FSD1L: variants seen among roughly 807,000 people sequenced by gnomAD.
The protein encoded by FSD1L is FSD1-like protein.
FSD1L carries 45 observed loss-of-function variants against 71.6 expected under a neutral mutation model. The ratio of observed to expected loss-of-function variants is 0.63; its 90% CI spans 0.49 to 0.81. The LOEUF (loss-of-function observed/expected upper bound fraction) is 0.81, where lower values mean the gene tolerates loss of function less well. Among genes scored for constraint, FSD1L ranks in the 30% least tolerant of loss-of-function variants. The pLI is 0.00. For synonymous variants in FSD1L, 197 were observed against 207.2 expected (o/e 0.95, Z 0.42); for missense variants, 561 against 618.1 (o/e 0.91, Z 0.98).
intron 8 of FSD1L, among the ~76,000 whole-genome samples, 191 bp from the exon 9 acceptor site, chr9:105,508,426 C>G (rs975036530): frequency 6.7e-6 from 1 of 149,478 alleles, no homozygotes; most frequent in Non-Finnish European, 1.5e-5. Context: ...ATCCGCCCAC[C>G]TGGGCCTTCC....
At chr9:105,520,740 T>C in intron 10 of FSD1L, 2 of 1,613,282 alleles carry the variant, frequency 1.2e-6, no homozygotes, top group Non-Finnish European at 1.7e-6. Context: ...AGCACCACAG[T>C]CTGAACATGG....
intron 3 of FSD1L, among the ~76,000 whole-genome samples, chr9:105,466,704 AAAAT>A (rs1300190043): frequency 2.6e-5 from 4 of 152,154 alleles, no homozygotes; most frequent in Admixed American, 6.6e-5. Context: ...AAAAAAAAAA[AAAAT>A]AATTATTTTA....
chr9:105,542,064 A>C (rs2131525336), intron 13 of FSD1L, among the ~76,000 whole-genome samples: 1 of 152,350 alleles, frequency 6.6e-6, no homozygotes. Context: ...GGCAGTTATG[A>C]ATAAAATCAC....
chr9:105,447,964 T>C (rs1829719107), upstream of FSD1L: 25 of 537,492 alleles, frequency 4.7e-5, no homozygotes, highest in South Asian at 4.6e-4. Context: ...CCACGGCTAC[T>C]TCCCGGGAGC....
At chr9:105,469,706 T>G (rs1197593940) in intron 4 of FSD1L, among the ~76,000 whole-genome samples, 5 of 151,566 alleles carry the variant, frequency 3.3e-5, no homozygotes, top group East Asian at 3.9e-4. Flanking sequence ...TCACAGGTTT[T>G]TTTTTTTTTT....
At chr9:105,489,483 T>C (rs1327523854) in intron 7 of FSD1L, among the ~76,000 whole-genome samples, 1 of 152,222 alleles carries the variant, frequency 6.6e-6, no homozygotes, top group South Asian at 2.1e-4. Context: ...CCTGCTGAAT[T>C]CTTTGCAGTT....
rs962381697 is a variant in FSD1L at position 105,522,145 on chromosome 9, C to G, written c.1025+9209C>G. On this transcript the variant is annotated intron_variant, in intron 10 of 13. Coordinates refer to ENST00000481272, the MANE Select transcript of FSD1L (RefSeq NM_001145313.3). ...ACCCTTATAGTTGCCTGGATCAAAG[C>G]AAACCTAAATGTGTACATCTCCCGA... The G allele has an allele frequency of 3.1e-6, 5 of 1,613,940 alleles. No homozygotes were observed. In the African/African-American group the frequency reaches 4.0e-5, roughly 13 times the overall value.
At chr9:105,458,919 G>A (rs116866483) in intron 1 of FSD1L, among the ~76,000 whole-genome samples, 12 of 152,296 alleles carry the variant, frequency 7.9e-5, no homozygotes, top group East Asian at 1.9e-4. Flanking sequence ...TTCTGTCTTC[G>A]CTCTTGATTA....
chr9:105,489,603 C>T (rs1832785246), intron 7 of FSD1L, among the ~76,000 whole-genome samples: 3 of 152,106 alleles, frequency 2.0e-5, no homozygotes, highest in Non-Finnish European at 4.4e-5. Flanking sequence ...GTGCTGCACA[C>T]ATTAACTCGT....
At chr9:105,496,178 A>C (rs567390867) in intron 7 of FSD1L, among the ~76,000 whole-genome samples, 1 of 146,130 alleles carries the variant, frequency 6.8e-6, no homozygotes, top group Admixed American at 6.9e-5. Flanking sequence ...TTCTTTCACC[A>C]GTACCAGGTC....
At chr9:105,445,930 C>T (rs1829632182), upstream of FSD1L, among the ~76,000 whole-genome samples, 1 of 152,234 alleles carries the variant, frequency 6.6e-6, no homozygotes, top group Non-Finnish European at 1.5e-5. Flanking sequence ...ACCCTGGACC[C>T]TGGCTCTCTA....
At chr9:105,525,190 A>G in intron 10 of FSD1L, 1 of 1,598,348 alleles carries the variant, frequency 6.3e-7, no homozygotes, top group South Asian at 1.1e-5. Context: ...CATCTAATGA[A>G]TGCTTAGAAG....
At chr9:105,513,233 T>G (rs529880701) in intron 10 of FSD1L, among the ~76,000 whole-genome samples, 5 of 152,176 alleles carry the variant, frequency 3.3e-5, no homozygotes, top group Non-Finnish European at 7.4e-5. Context: ...TCTAGTATAA[T>G]TCCTGAATTT....
At chr9:105,469,337 C>A (rs1831284561) in intron 4 of FSD1L, among the ~76,000 whole-genome samples, 1 of 151,436 alleles carries the variant, frequency 6.6e-6, no homozygotes, top group Non-Finnish European at 1.5e-5. Flanking sequence ...TTTCTGAGGA[C>A]CCTCTATATA....
rs116091953 is a variant in FSD1L, at chr9:105,538,062, G to T, written c.1379-1201G>T. Among the ~76,000 whole-genome samples, 1,398 of 152,258 alleles carry T rather than the reference G, an allele frequency of 9.2e-3. 22 individuals carry two copies. Among genetic ancestry groups the T allele is most frequent in the African/African-American group, 0.032 (1,340 of 41,534 alleles). On this transcript the variant is annotated intron_variant, in intron 12 of 13. Transcript: ENST00000481272. ...GGAACATAGAGTTTTGGGGGGAAAT[G>T]AAATGCCAGCAGGATAATCATGTGG... is the stretch of plus-strand genomic sequence containing the variant.
chr9:105,451,250 C>T (rs1036913440), intron 1 of FSD1L, among the ~76,000 whole-genome samples: 1 of 152,222 alleles, frequency 6.6e-6, no homozygotes, highest in Non-Finnish European at 1.5e-5. Flanking sequence ...TGGGCCACCG[C>T]GCCCGGCCCG....
chr9:105,467,822 A>G (rs1831176320), intron 3 of FSD1L, among the ~76,000 whole-genome samples: 1 of 152,216 alleles, frequency 6.6e-6, no homozygotes, highest in Non-Finnish European at 1.5e-5. Context: ...AGTGATTCTG[A>G]TACGCACCAG....
rs1834123343 is a variant in FSD1L at position 105,507,462 on chromosome 9, T to C, written c.796+854T>C. On this transcript the variant is annotated intron_variant, in intron 8 of 13. Coordinates refer to ENST00000481272, the MANE Select transcript of FSD1L (RefSeq NM_001145313.3). ...TATAGTACATCTCATTTAATCAGCA[T>C]AATACATCTCATTTATCTTTACAAC... Among the ~76,000 whole-genome samples, 3 of 152,226 alleles carry C rather than the reference T, an allele frequency of 2.0e-5. No individual in the cohort carries two copies. The South Asian group carries it at 6.2e-4, about 32-fold the overall frequency.
intron 7 of FSD1L, among the ~76,000 whole-genome samples, chr9:105,496,198 G>C (rs1447839606): frequency 1.4e-5 from 2 of 138,444 alleles, no homozygotes; most frequent in African/African-American, 5.3e-5. Context: ...CTTGATGACT[G>C]TAGCTTTTTT....
Sources: allele counts gnomAD v4.1 joint callset (sites outside exome capture counted in the v4.1 genomes callset), GRCh38; gene constraint gnomAD v4.1.1; transcripts MANE v1.5; gene names NCBI Gene and HGNC (gene_info 2026-07-23, HGNC 2026-07-21).